Variants in COL9A1 observed in about 807,000 individuals in gnomAD.
COL9A1 encodes the protein collagen type IX alpha 1 chain, also known as collagen alpha-1(IX) chain.
A neutral mutation model predicts 142.6 loss-of-function variants in COL9A1; 104 were observed. The ratio of observed to expected loss-of-function variants is 0.73; its 90% CI spans 0.62 to 0.86. The LOEUF (loss-of-function observed/expected upper bound fraction) is 0.86, where lower values mean the gene tolerates loss of function less well. Ranked by LOEUF, COL9A1 falls within the 40% of genes least tolerant of loss-of-function variation. The probability of loss-of-function intolerance (pLI) is 0.00; values close to 1 mark genes in which losing one functional copy is unlikely to be tolerated. For synonymous variants in COL9A1, 466 were observed against 396.0 expected, an observed-to-expected ratio of 1.18 and a Z score of -2.10; for missense variants, 1,210 against 1,176.6, an observed-to-expected ratio of 1.03 and a Z score of -0.42.
At chr6:70,217,671 C>A (rs1360205485) in intron 37 of COL9A1, among the ~76,000 whole-genome samples, 1 of 152,158 alleles carries the variant, frequency 6.6e-6, no homozygotes, top group East Asian at 1.9e-4. Context: ...GTATTCCTTA[C>A]TTCTAAGAGT....
intron 5 of COL9A1, among the ~76,000 whole-genome samples, chr6:70,289,296 A>AT (rs34360468): frequency 3.9e-5 from 6 of 152,068 alleles, no homozygotes; most frequent in South Asian, 2.1e-4. Context: ...TAGCACACTG[A>AT]TTTTTTTTAT....
chr6:70,269,661 G>T lies in COL9A1; in HGVS notation c.1202C>A (p.Thr401Lys), dbSNP rs376664058. The T allele has an allele frequency of 3.9e-5, 62 of 1,583,628 alleles. No individual in the cohort carries two copies. The highest frequency in any genetic ancestry group is 4.9e-5 in the Non-Finnish European group (57 of 1,152,372). ...GPPGPPGPRG[T>K]IGFHDGDPLC... ...TGGATCTCCATCATGAAAGCCAATT[G>T]TTCCCTAAAGTAAACAAAATATTAA... Residue 401 changes from threonine (T) to lysine (K), a missense_variant, in exon 16 of 38, where the codon ACA (threonine) becomes AAA (lysine). Transcript: ENST00000357250.
In COL9A1 at chr6:70,294,574, T is replaced by C; in HGVS notation, c.300-11A>G. On this transcript the variant is annotated splice_polypyrimidine_tract_variant and intron_variant, in intron 4 of 37. Coordinates refer to ENST00000357250, the MANE Select transcript of COL9A1 (RefSeq NM_001851.6). ...CTGGGATATAAATTCCTGAGTAAAATTTTTAAATAGTAAACATGCATCTTG... is the reference window on the plus strand; with the variant it reads ...CTGGGATATAAATTCCTGAGTAAAACTTTTAAATAGTAAACATGCATCTTG... 2 of 1,613,246 alleles carry C rather than the reference T, an allele frequency of 1.2e-6. No individual in the cohort carries two copies. The highest frequency in any genetic ancestry group is 1.7e-6 in the Non-Finnish European group (2 of 1,179,394).
At chr6:70,295,818 A>G (rs536884221) in intron 4 of COL9A1, among the ~76,000 whole-genome samples, 19 of 152,338 alleles carry the variant, frequency 1.2e-4, no homozygotes, top group Non-Finnish European at 2.4e-4. Flanking sequence ...TCTTTCAAGG[A>G]CTTGAACATT....
chr6:70,269,796 T>C (rs1583300547), intron 15 of COL9A1, 131 bp from the exon 16 acceptor site: 2 of 639,172 alleles, frequency 3.1e-6, no homozygotes, highest in East Asian at 5.6e-5. Context: ...CCAGATAATA[T>C]GCTAATATTC....
intron 28 of COL9A1, among the ~76,000 whole-genome samples, chr6:70,246,520 C>G (rs1319334383): frequency 1.3e-5 from 2 of 152,158 alleles, no homozygotes; most frequent in East Asian, 3.9e-4. Context: ...TGTCCTCCCC[C>G]CAACCCCATC....
At chr6:70,279,753 AC>A (rs1406411128) in intron 10 of COL9A1, 10 of 402,932 alleles carry the variant, frequency 2.5e-5, no homozygotes, top group African/African-American at 2.0e-4. Flanking sequence ...CAAAGAAAGC[AC>A]ACCTTAATAA....
intron 10 of COL9A1, chr6:70,279,448 A>G (rs1380558007): frequency 6.6e-6 from 1 of 152,144 alleles, no homozygotes; most frequent in African/African-American, 2.4e-5. Context: ...TCTATTTCCT[A>G]AAATACTATG....
At chr6:70,217,584 G>A (rs1176638396) in intron 37 of COL9A1, among the ~76,000 whole-genome samples, 2 of 152,034 alleles carry the variant, frequency 1.3e-5, no homozygotes, top group African/African-American at 4.8e-5. Flanking sequence ...CCTTTTTCAT[G>A]TGGCTACTTG....
chr6:70,242,830 GCCAT>G lies in COL9A1; in HGVS notation c.1873-119_1873-116del. Reference sequence around the variant, plus strand: ...TTTTTTCCTTCAGCTAAAGGCATAGGCCATCCTACATAGTGCCTACAGCATCCTG... The same window carrying G: ...TTTTTTCCTTCAGCTAAAGGCATAGGCCTACATAGTGCCTACAGCATCCTG... On this transcript the variant is annotated intron_variant, in intron 28 of 37. Transcript: ENST00000357250. 3.3e-6 allele frequency: 3 copies of G among 909,064 alleles called. 1 individual carries two copies. The South Asian group carries it at 4.0e-5, about 12-fold the overall frequency. 56.3% of individuals were successfully genotyped at this position (909,064 alleles called of 1,614,324 possible).
intron 36 of COL9A1, among the ~76,000 whole-genome samples, chr6:70,231,904 A>G (rs657572): frequency 0.51 from 77,887 of 151,938 alleles, 20,409 homozygotes; most frequent in African/African-American, 0.57. Context: ...TCCAAATGAG[A>G]CAGCCAGTTC....
At chr6:70,267,319 G>GTTTTTTTTTTTTTTTTTTTTTTTTTTTTT (rs1050364230) in intron 17 of COL9A1, among the ~76,000 whole-genome samples, 2 of 99,692 alleles carry the variant, frequency 2.0e-5, no homozygotes, top group Non-Finnish European at 4.4e-5. Context: ...TGTTTGTTTG[G>GTTTTTTTTTTTTTTTTTTTTTTTTTTTTT]TTTTTTTGTT....
At chr6:70,266,070 T>C (rs752793516) in intron 18 of COL9A1, among the ~76,000 whole-genome samples, 2 of 152,180 alleles carry the variant, frequency 1.3e-5, no homozygotes, top group Admixed American at 6.5e-5. Context: ...TAGATACTCT[T>C]ACACTAGTGG....
At chr6:70,256,930 G>T in intron 20 of COL9A1, 109 bp from the exon 21 acceptor site, 2 of 974,182 alleles carry the variant, frequency 2.1e-6, no homozygotes, top group African/African-American at 1.6e-5. Flanking sequence ...GAGGTTTTGT[G>T]CCTGTAATAC....
intron 1 of COL9A1, 32 bp downstream of exon 1, chr6:70,302,855 TTCTGAGGACCCCCAGCTCCATCTC>T: frequency 6.3e-7 from 1 of 1,594,578 alleles, no homozygotes; most frequent in South Asian, 1.1e-5. Context: ...AGACCCTTGG[TTCTGAGGACCCCCAGCTCCATCTC>T]CCCACCACTC....
At chr6:70,272,159 C>T in intron 12 of COL9A1, 71 bp from the exon 13 acceptor site, 1 of 1,285,964 alleles carries the variant, frequency 7.8e-7, no homozygotes. Context: ...GTAGACATAA[C>T]TCAGCTAAAA....
rs186899292 is a variant in COL9A1 at position 70,257,431 on chromosome 6, T to A, written c.1450-610A>T. The stretch of plus-strand genomic sequence containing the variant: ...CATGAGCTAAAAACACAGGTGCTTA[T>A]TAATAGATTGGTAAATCTATTAGAA... On this transcript the variant is annotated intron_variant, in intron 20 of 37. Coordinates refer to ENST00000357250, the MANE Select transcript of COL9A1 (RefSeq NM_001851.6). 6.6e-5 allele frequency among the ~76,000 whole-genome samples: 10 copies of A among 152,314 alleles called. No homozygotes were observed. The East Asian group carries it at 1.9e-3, about 29-fold the overall frequency.
chr6:70,215,241 ATCT>A (rs1353456793), downstream of COL9A1: 3 of 152,208 alleles, frequency 2.0e-5, no homozygotes, highest in Non-Finnish European at 4.4e-5. Context: ...CAAAGTTGGA[ATCT>A]TCTTAAGCAA....
At position 70,274,770 on chromosome 6, in the gene COL9A1, T is replaced by C. The variant is rs528372124; in HGVS notation, c.978A>G (p.Gly326=). Residue 326 remains glycine (G), a splice_region_variant and synonymous_variant, in exon 11 of 38, where the codon GGA becomes GGG. Coordinates refer to ENST00000357250, the MANE Select transcript of COL9A1 (RefSeq NM_001851.6). ...CAGGGGATCCATCAGGTCCTGTTAATCCCTAATAGAGCAAGACAATGATGT... is the reference window on the plus strand; with the variant it reads ...CAGGGGATCCATCAGGTCCTGTTAACCCCTAATAGAGCAAGACAATGATGT... The part of the protein sequence containing the change: ...PGKPGTPGAD[G]LTGPDGSPGS... The C allele has an allele frequency of 6.2e-7, 1 of 1,612,152 alleles. No homozygotes were observed. The highest frequency in any genetic ancestry group is 1.3e-5 in the African/African-American group (1 of 74,956).
Sources: gnomAD v4.1 joint callset for allele counts (sites outside exome capture counted in the v4.1 genomes callset) on GRCh38, gnomAD v4.1.1 for gene constraint, MANE v1.5 for transcripts, NCBI Gene and HGNC (gene_info 2026-07-23, HGNC 2026-07-21) for gene names.